Variants in REG1B observed in about 807,000 individuals in gnomAD.
The protein encoded by REG1B is lithostathine-1-beta.
In REG1B, 21 loss-of-function variants were observed where a neutral mutation model predicts 20.4. The observed-to-expected ratio is 1.03, with a 90% CI of 0.73 to 1.48. The LOEUF is 1.48. Ranked by LOEUF, REG1B falls within the 40% of genes most tolerant of loss-of-function variation. REG1B has a pLI of 0.00. For synonymous variants in REG1B, 82 were observed against 73.4 expected (o/e 1.12, Z -0.60); for missense variants, 247 against 197.2 (o/e 1.25, Z -1.51).
Position 79,087,376 on chromosome 2 carries a change from C to G in REG1B, c.64+173G>C, listed in dbSNP as rs1672415390. ...GGTCCTATTAAATTCTGTCTCAAAC[C>G]CATGAATGAGGTGAGGGTGTTTTTG... On this transcript the variant is annotated intron_variant, in intron 2 of 5. Transcript: ENST00000305089. 6.2e-6 allele frequency: 4 copies of G among 647,714 alleles called. No homozygotes were observed. The Admixed American group carries it at 1.2e-4, about 19-fold the overall frequency. 40.1% of individuals were successfully genotyped at this position (647,714 alleles called of 1,614,324 possible). A position where few individuals can be genotyped will look rare whatever the true frequency, so the allele number is the denominator to read the frequency against.
Position 79,086,350 on chromosome 2 carries a change from G to A in REG1B, c.321+17C>T. On this transcript the variant is annotated intron_variant, in intron 4 of 5. Coordinates refer to ENST00000305089, the MANE Select transcript of REG1B (RefSeq NM_006507.4). ...TCAAAAATGTTTATAAGGAGATAGA[G>A]GTGGCTGCAGACTGACCTTTTTTGG... 6.2e-7 allele frequency: 1 copy of A among 1,613,838 alleles called. No individual in the cohort carries two copies. The highest frequency in any genetic ancestry group is 8.5e-7 in the Non-Finnish European group (1 of 1,179,818).
At chr2:79,086,187 C>G in intron 4 of REG1B, 180 bp downstream of exon 4, 1 of 631,044 alleles carries the variant, frequency 1.6e-6, no homozygotes, top group South Asian at 2.1e-5. Context: ...CAGCCTTCAG[C>G]TCATGTCTCT....
At position 79,087,531 on chromosome 2, in the gene REG1B, T is replaced by C; in HGVS notation, c.64+18A>G. 4 of 1,613,064 alleles carry C rather than the reference T, an allele frequency of 2.5e-6. No individual in the cohort carries two copies. Among genetic ancestry groups the C allele is most frequent in the East Asian group, 2.2e-5 (1 of 44,844 alleles). On this transcript the variant is annotated intron_variant, in intron 2 of 5. Coordinates refer to ENST00000305089, the MANE Select transcript of REG1B (RefSeq NM_006507.4). The stretch of plus-strand genomic sequence containing the variant: ...AATTCAGAGTTGGGGTTGTGGGAAG[T>C]GTGGGGGAAAATCTCACCTTGGCTC...
At chr2:79,085,798 T>C (rs1672390346) in intron 4 of REG1B, 195 bp from the exon 5 acceptor site, 3 of 438,764 alleles carry the variant, frequency 6.8e-6, no homozygotes, top group Non-Finnish European at 8.1e-6. Flanking sequence ...TTCCTCCTCC[T>C]CTTCCAGCAA....
chr2:79,087,922 A>G (rs967580900), intron 1 of REG1B, 37 bp downstream of exon 1: 2 of 276,502 alleles, frequency 7.2e-6, no homozygotes, highest in Non-Finnish European at 1.4e-5. Flanking sequence ...AGAAAATCCC[A>G]CGTTAGACAT....
At chr2:79,086,577 T>C (rs558462534) in intron 3 of REG1B, 73 bp from the exon 4 acceptor site, 5 of 1,572,526 alleles carry the variant, frequency 3.2e-6, no homozygotes, top group Admixed American at 3.4e-5. Context: ...TTCCAGAGGA[T>C]GTAACAGAAA....
chr2:79,087,161 T>C (rs745372121), intron 2 of REG1B: 2 of 553,968 alleles, frequency 3.6e-6, no homozygotes, highest in Non-Finnish European at 6.4e-6. Flanking sequence ...CTCGTTTTCC[T>C]TTAATTCTGA....
At position 79,086,493 on chromosome 2, in the gene REG1B, C is replaced by G. The variant is rs1672401777; in HGVS notation, c.195G>C (p.Gln65His). 2 of 1,613,558 alleles carry G rather than the reference C, an allele frequency of 1.2e-6. No homozygotes were observed. The highest frequency in any genetic ancestry group is 1.7e-6 in the Non-Finnish European group (2 of 1,179,962). The change falls in exon 4 of 6, where the codon CAG (glutamine) becomes CAC (histidine). Residue 65 changes from glutamine to histidine, a missense_variant. Transcript: ENST00000305089. ...ACACCAGGTTGCCTGAATTCATGTT[C>G]TGGCAATAGAGCTGTTGGAGAAGAA... ...ETWVDADLYC[Q>H]NMNSGNLVSV... is the part of the protein sequence containing the mutation.
At chr2:79,085,740 A>C in intron 4 of REG1B, 137 bp from the exon 5 acceptor site, 1 of 540,060 alleles carries the variant, frequency 1.9e-6, no homozygotes, top group Non-Finnish European at 3.3e-6. Flanking sequence ...ATATCATATC[A>C]TTTCCTCTGC....
At chr2:79,087,743 T>C in intron 1 of REG1B, 85 bp from the exon 2 acceptor site, 1 of 886,854 alleles carries the variant, frequency 1.1e-6, no homozygotes, top group African/African-American at 1.7e-5. Context: ...TCTGAATTCC[T>C]GTGAGCCGAA....
At chr2:79,086,246 G>T (rs1396148063) in intron 4 of REG1B, 121 bp downstream of exon 4, 9 of 986,996 alleles carry the variant, frequency 9.1e-6, no homozygotes, top group Non-Finnish European at 1.2e-5. Flanking sequence ...GATCTATAAA[G>T]AGGTTGCTTT....
rs1390279951 is a variant in REG1B, at chr2:79,087,628, A to C, written c.-16T>G. The C allele has an allele frequency of 9.3e-6, 15 of 1,613,606 alleles. No homozygotes were observed. Among genetic ancestry groups the C allele is most frequent in the Non-Finnish European group, 1.1e-5 (13 of 1,179,758 alleles). On this transcript the variant is annotated 5_prime_UTR_variant, in exon 2 of 6. Coordinates refer to ENST00000305089, the MANE Select transcript of REG1B (RefSeq NM_006507.4). ...TCTGAGCCATGCTTAGCGGCAGTGAATCTCTTGCTTAAGGAGCAAATCAGC... is the reference window on the plus strand; with the variant it reads ...TCTGAGCCATGCTTAGCGGCAGTGACTCTCTTGCTTAAGGAGCAAATCAGC...
At chr2:79,085,410 C>A in intron 5 of REG1B, 82 bp downstream of exon 5, 1 of 1,382,074 alleles carries the variant, frequency 7.2e-7, no homozygotes, top group South Asian at 1.2e-5. Context: ...GCTTACCTTT[C>A]CTCTATCCCA....
chr2:79,086,731 T>C (rs1214355620), intron 3 of REG1B, 81 bp downstream of exon 3: 1 of 1,408,498 alleles, frequency 7.1e-7, no homozygotes, highest in South Asian at 1.2e-5. Context: ...CTTATCTCAT[T>C]GCAGCCACAG....
chr2:79,085,739 C>A (rs1369634112), intron 4 of REG1B, 136 bp from the exon 5 acceptor site: 3 of 546,282 alleles, frequency 5.5e-6, no homozygotes, highest in East Asian at 3.1e-5. Flanking sequence ...AATATCATAT[C>A]ATTTCCTCTG....
chr2:79,086,790 C>T (rs746264577), intron 3 of REG1B, 22 bp downstream of exon 3: 3 of 1,603,656 alleles, frequency 1.9e-6, no homozygotes, highest in Admixed American at 3.3e-5. Context: ...GCCTCCCTTC[C>T]CCTGCTGCTC....
intron 3 of REG1B, 58 bp downstream of exon 3, chr2:79,086,754 A>C (rs1558715884): frequency 6.6e-7 from 1 of 1,517,720 alleles, no homozygotes; most frequent in African/African-American, 1.4e-5. Flanking sequence ...CACACTGCAA[A>C]TTAGCAGCTG....
chr2:79,086,485 T>A lies in REG1B; in HGVS notation c.203A>T (p.Asn68Ile), dbSNP rs142710288. ...VDADLYCQNMNSGNLVSVLTQ... is the reference protein window; with the variant it reads ...VDADLYCQNMISGNLVSVLTQ... ...GAGCACAGACACCAGGTTGCCTGAA[T>A]TCATGTTCTGGCAATAGAGCTGTTG... Residue 68 changes from asparagine to isoleucine, a missense_variant, in exon 4 of 6, where the codon AAT becomes ATT. Coordinates refer to ENST00000305089, the MANE Select transcript of REG1B (RefSeq NM_006507.4). The A allele has an allele frequency of 6.3e-5, 101 of 1,613,828 alleles. No homozygotes were observed. The African/African-American group carries it at 1.3e-3, about 20-fold the overall frequency.
At chr2:79,085,317 A>G (rs1373198892) in intron 5 of REG1B, 34 bp from the exon 6 acceptor site, 11 of 1,536,508 alleles carry the variant, frequency 7.2e-6, no homozygotes, top group Non-Finnish European at 9.9e-6. Flanking sequence ...GACATAGAGG[A>G]TCAGAAGGAG....
Sources: gnomAD v4.1 joint callset for allele counts on GRCh38, gnomAD v4.1.1 for gene constraint, MANE v1.5 for transcripts, NCBI Gene and HGNC (gene_info 2026-07-23, HGNC 2026-07-21) for gene names.